DCAF1: variants seen among roughly 807,000 people sequenced by gnomAD.
The protein encoded by DCAF1 is DDB1 and CUL4 associated factor 1.
DCAF1 carries 15 observed loss-of-function variants against 128.0 expected under a neutral mutation model. The observed-to-expected ratio is 0.12, with a 90% CI of 0.08 to 0.18. The LOEUF (loss-of-function observed/expected upper bound fraction) is 0.18, where lower values mean the gene tolerates loss of function less well. DCAF1 is among the 10% of genes least tolerant of loss of function. The pLI, the probability that DCAF1 is intolerant of heterozygous loss-of-function variation, is 1.00. For synonymous variants in DCAF1, 610 were observed against 603.0 expected (o/e 1.01, Z -0.17); for missense variants, 988 against 1,649.5 (o/e 0.60, Z 6.95).
rs1174975241 is a variant in DCAF1, at chr3:51,496,013, C to T, written c.-9+721G>A. Reference sequence around the variant, plus strand: ...TGTCTCAAGGAAAAAAAAAAAAGGCCGGGCACAGTGGCTCACACCTGTAAT... The same window carrying T: ...TGTCTCAAGGAAAAAAAAAAAAGGCTGGGCACAGTGGCTCACACCTGTAAT... On this transcript the variant is annotated intron_variant, in intron 2 of 24. Coordinates refer to ENST00000684031, the MANE Select transcript of DCAF1 (RefSeq NM_001387579.1). Among the ~76,000 whole-genome samples, 4 of 151,272 alleles carry T rather than the reference C, an allele frequency of 2.6e-5. No homozygotes were observed. The East Asian group carries it at 5.9e-4, about 22-fold the overall frequency.
chr3:51,443,601 A>C (rs560506769), intron 7 of DCAF1, among the ~76,000 whole-genome samples, 165 bp downstream of exon 7: 189 of 152,208 alleles, frequency 1.2e-3, no homozygotes, highest in Non-Finnish European at 2.2e-3. Flanking sequence ...AAAAAAAAAA[A>C]AGCTATTTTC....
At chr3:51,475,213 T>G (rs1410964460) in intron 3 of DCAF1, among the ~76,000 whole-genome samples, 1 of 151,606 alleles carries the variant, frequency 6.6e-6, no homozygotes, top group Non-Finnish European at 1.5e-5. Context: ...AATTATATAT[T>G]GTAAAATCTA....
intron 3 of DCAF1, among the ~76,000 whole-genome samples, chr3:51,479,393 C>T (rs1577285232): frequency 6.6e-6 from 1 of 152,086 alleles, no homozygotes; most frequent in East Asian, 1.9e-4. Flanking sequence ...GTCCCAGCTA[C>T]TCCAGAAGCT....
intron 19 of DCAF1, 138 bp downstream of exon 19, chr3:51,414,486 T>C (rs1386468379): frequency 3.1e-6 from 4 of 1,301,434 alleles, no homozygotes; most frequent in Admixed American, 2.9e-5. Context: ...TTCACTAACA[T>C]TTCAAACCAA....
In DCAF1 at chr3:51,419,759, A is replaced by G; in HGVS notation, c.3211T>C (p.Phe1071Leu). ...PKYGGVDGGC[F>L]DRHLIFSRFR... ...CTGCTAAAGATAAGGTGCCTATCAA[A>G]GCATCCGCCATCCACCCCTCCATAC... is the stretch of plus-strand genomic sequence containing the variant. Residue 1071 changes from phenylalanine to leucine, a missense_variant, in exon 15 of 25, where the codon TTT becomes CTT. Around this residue, in one of 11 missense-constraint regions of DCAF1, gnomAD observed 105 missense variants for 266.7 expected, o/e 0.39. Transcript: ENST00000684031. The G allele has an allele frequency of 7.4e-6, 12 of 1,612,800 alleles. No homozygotes were observed. The highest frequency in any genetic ancestry group is 1.0e-5 in the Non-Finnish European group (12 of 1,179,022).
chr3:51,498,102 C>G (rs1296867816), intron 1 of DCAF1, among the ~76,000 whole-genome samples: 3 of 126,610 alleles, frequency 2.4e-5, no homozygotes, highest in Non-Finnish European at 4.8e-5. Context: ...TGGCTTACAT[C>G]TGTAATCCCA....
At chr3:51,449,633 G>T (rs1390117112) in intron 6 of DCAF1, among the ~76,000 whole-genome samples, 14 of 151,936 alleles carry the variant, frequency 9.2e-5, no homozygotes, top group Non-Finnish European at 2.1e-4. Context: ...CTCAAAGCTA[G>T]CAAAAGAAAT....
At position 51,421,344 on chromosome 3, in the gene DCAF1, C is replaced by T. The variant is rs529234964; in HGVS notation, c.1973-347G>A. ...TGATCTTGGCTCACTGCAACCTCCG[C>T]CTCCCGAGTTCAAGTGATTCTCCTG... is the stretch of plus-strand genomic sequence containing the variant. On this transcript the variant is annotated intron_variant, in intron 14 of 24. Transcript: ENST00000684031. Among the ~76,000 whole-genome samples, 16 of 152,282 alleles carry T rather than the reference C, an allele frequency of 1.1e-4. No individual in the cohort carries two copies. The South Asian group carries it at 2.3e-3, about 22-fold the overall frequency.
At chr3:51,504,931 A>C (rs1297780954), upstream of DCAF1, among the ~76,000 whole-genome samples, 1 of 152,078 alleles carries the variant, frequency 6.6e-6, no homozygotes, top group Non-Finnish European at 1.5e-5. Flanking sequence ...TGGGCAACAT[A>C]GTGAGACTCT....
chr3:51,447,746 G>A (rs555618556), intron 6 of DCAF1, among the ~76,000 whole-genome samples: 62 of 152,178 alleles, frequency 4.1e-4, no homozygotes, highest in Middle Eastern at 6.8e-3. Context: ...TCAGGAGTTC[G>A]AGACGAGCCT....
rs782091084 is a variant in DCAF1 at position 51,443,763 on chromosome 3, T to C, written c.513+3A>G. ...TAAAAATTTATTCTAACACAGTCCTTACCAGCTGTGAATTTTCATCTCTAT... is the reference window on the plus strand; with the variant it reads ...TAAAAATTTATTCTAACACAGTCCTCACCAGCTGTGAATTTTCATCTCTAT... On this transcript the variant is annotated splice_donor_region_variant and intron_variant, in intron 7 of 24. Transcript: ENST00000684031. 5.6e-6 allele frequency: 9 copies of C among 1,601,594 alleles called. No homozygotes were observed. In the South Asian group the frequency reaches 1.0e-4, roughly 18 times the overall value.
At chr3:51,475,249 A>AC (rs1705292015) in intron 3 of DCAF1, among the ~76,000 whole-genome samples, 1 of 152,014 alleles carries the variant, frequency 6.6e-6, no homozygotes, top group East Asian at 1.9e-4. Flanking sequence ...AAAAAAAAAA[A>AC]CAAAAAGATC....
At chr3:51,407,872 A>T (rs1698018735) in intron 23 of DCAF1, among the ~76,000 whole-genome samples, 3 of 151,906 alleles carry the variant, frequency 2.0e-5, no homozygotes, top group Admixed American at 2.0e-4. Flanking sequence ...CTACAATCCC[A>T]GCTACTCAGG....
At chr3:51,439,157 CAG>C (rs1559511585) in intron 9 of DCAF1, among the ~76,000 whole-genome samples, 1 of 151,952 alleles carries the variant, frequency 6.6e-6, no homozygotes, top group African/African-American at 2.4e-5. Flanking sequence ...TTTTCAGAGA[CAG>C]AGTCTCACCC....
At chr3:51,485,765 TG>T (rs1158266070) in intron 2 of DCAF1, among the ~76,000 whole-genome samples, 1 of 152,248 alleles carries the variant, frequency 6.6e-6, no homozygotes, top group Non-Finnish European at 1.5e-5. Context: ...CAAATATTTA[TG>T]TTTTAATCAA....
chr3:51,447,571 C>A (rs1196114086), intron 6 of DCAF1, among the ~76,000 whole-genome samples: 4 of 152,104 alleles, frequency 2.6e-5, no homozygotes, highest in African/African-American at 4.8e-5. Context: ...AATATTAATT[C>A]TATCTATTCT....
At chr3:51,419,490 G>A (rs1369348002) in intron 15 of DCAF1, among the ~76,000 whole-genome samples, 1 of 152,220 alleles carries the variant, frequency 6.6e-6, no homozygotes, top group East Asian at 1.9e-4. Flanking sequence ...CAGTAGTAAT[G>A]AGGGGGTGTG....
intron 9 of DCAF1, among the ~76,000 whole-genome samples, chr3:51,437,136 G>A (rs1371446341): frequency 6.6e-6 from 1 of 151,982 alleles, no homozygotes; most frequent in African/African-American, 2.4e-5. Context: ...GGTGGCACAT[G>A]CCTGTAATCT....
chr3:51,494,359 C>A (rs913697181), intron 2 of DCAF1, among the ~76,000 whole-genome samples: 3 of 151,834 alleles, frequency 2.0e-5, no homozygotes, highest in African/African-American at 2.4e-5. Context: ...CGTGATCCAC[C>A]CGCCTCAGCC....
Sources: gnomAD v4.1 joint callset for allele counts (sites outside exome capture counted in the v4.1 genomes callset) on GRCh38, gnomAD v4.1.1 for gene constraint, gnomAD v4.1.1 regional missense constraint, MANE v1.5 for transcripts, NCBI Gene and HGNC (gene_info 2026-07-23, HGNC 2026-07-21) for gene names.